Variants in MAP4K3 observed in about 807,000 individuals in gnomAD.
MAP4K3 encodes the protein MAPK/ERK kinase kinase kinase 3.
Under a neutral mutation model 143.5 loss-of-function variants are expected in MAP4K3, and 94 were observed. The observed-to-expected ratio is 0.65, with a 90% CI of 0.55 to 0.78. The LOEUF is 0.78. Among genes scored for constraint, MAP4K3 ranks in the 30% least tolerant of loss-of-function variants. The pLI is 0.00. For synonymous variants in MAP4K3, 416 were observed against 347.2 expected (o/e 1.20, Z -2.20); for missense variants, 1,077 against 1,068.1 (o/e 1.01, Z -0.12).
chr2:39,414,468 A>T (rs1257388368), intron 1 of MAP4K3, among the ~76,000 whole-genome samples: 2 of 152,150 alleles, frequency 1.3e-5, no homozygotes, highest in Middle Eastern at 3.2e-3. Context: ...TTCAGAAAAC[A>T]TTTCAGTAAT....
chr2:39,414,447 A>C (rs1667313947), intron 1 of MAP4K3, among the ~76,000 whole-genome samples: 1 of 152,222 alleles, frequency 6.6e-6, no homozygotes, highest in Admixed American at 6.5e-5. Flanking sequence ...TTTTTAGAAG[A>C]ATACATTTTC....
chr2:39,273,728 A>G (rs1681131085), intron 24 of MAP4K3, among the ~76,000 whole-genome samples: 3 of 152,250 alleles, frequency 2.0e-5, no homozygotes, highest in African/African-American at 7.2e-5. Flanking sequence ...CAATTTCTCC[A>G]AACAACTAAA....
chr2:39,360,033 T>C (rs1007341540), intron 2 of MAP4K3, among the ~76,000 whole-genome samples: 4 of 152,264 alleles, frequency 2.6e-5, no homozygotes, highest in Admixed American at 6.5e-5. Flanking sequence ...TGCAGCAGGT[T>C]TGAATTTCTC....
At chr2:39,332,468 T>C (rs1014332075) in intron 7 of MAP4K3, among the ~76,000 whole-genome samples, 1 of 151,984 alleles carries the variant, frequency 6.6e-6, no homozygotes, top group Non-Finnish European at 1.5e-5. Flanking sequence ...ATCCCCAAAC[T>C]TAACAATACA....
chr2:39,256,990 G>C (rs888861265), intron 31 of MAP4K3, among the ~76,000 whole-genome samples: 3 of 152,172 alleles, frequency 2.0e-5, no homozygotes, highest in Non-Finnish European at 2.9e-5. Context: ...TTTGAAAGCG[G>C]ATTCCATTTT....
At chr2:39,263,758 G>A (rs968120155) in intron 28 of MAP4K3, among the ~76,000 whole-genome samples, 1 of 152,106 alleles carries the variant, frequency 6.6e-6, no homozygotes, top group African/African-American at 2.4e-5. Flanking sequence ...CTGGTAAGAG[G>A]CCTCATTAGA....
At chr2:39,282,394 T>G in intron 22 of MAP4K3, 119 bp downstream of exon 22, 5 of 805,388 alleles carry the variant, frequency 6.2e-6, no homozygotes, top group Non-Finnish European at 1.0e-5. Context: ...TTAGCAATCT[T>G]ATAGATTTTT....
intron 23 of MAP4K3, 74 bp downstream of exon 23, chr2:39,280,198 C>A: frequency 4.6e-6 from 4 of 867,856 alleles, no homozygotes; most frequent in South Asian, 2.7e-5. Context: ...AGAAAATAAA[C>A]AAAATCACAA....
intron 1 of MAP4K3, among the ~76,000 whole-genome samples, chr2:39,413,784 A>ATTATG (rs1667295439): frequency 1.3e-5 from 2 of 151,660 alleles, no homozygotes; most frequent in Non-Finnish European, 2.9e-5. Flanking sequence ...CCCAGGCTCC[A>ATTATG]CCTTGTAGGT....
chr2:39,352,810 T>C (rs142725393), intron 3 of MAP4K3, among the ~76,000 whole-genome samples: 18 of 152,276 alleles, frequency 1.2e-4, no homozygotes, highest in Non-Finnish European at 1.8e-4. Flanking sequence ...ATAGGGTAAA[T>C]CTGATTCTCT....
chr2:39,307,658 T>C (rs1305558791), intron 15 of MAP4K3, among the ~76,000 whole-genome samples: 1 of 151,482 alleles, frequency 6.6e-6, no homozygotes, highest in Non-Finnish European at 1.5e-5. Context: ...TACAGGGAAA[T>C]GCCATTTCTT....
chr2:39,399,495 T>C (rs755232671), intron 1 of MAP4K3, among the ~76,000 whole-genome samples: 7 of 152,214 alleles, frequency 4.6e-5, no homozygotes, highest in Admixed American at 4.6e-4. Context: ...CTCATTTCCA[T>C]CTTTGAGGTG....
chr2:39,436,958 C>A lies in MAP4K3; in HGVS notation c.30G>T (p.Arg10=). Residue 10 remains arginine (R), a synonymous_variant, in exon 1 of 34, where the codon CGG becomes CGT. Coordinates refer to ENST00000263881, the MANE Select transcript of MAP4K3 (RefSeq NM_003618.4). MNPGFDLSR[R]NPQEDFELIQ... ...TCAGCTCGAAGTCCTCCTGCGGGTT[C>A]CGGCGGGACAAATCGAAGCCGGGGT... 1 of 1,612,652 alleles carries A rather than the reference C, an allele frequency of 6.2e-7. No homozygotes were observed. The highest frequency in any genetic ancestry group is 1.3e-5 in the African/African-American group (1 of 74,944).
intron 12 of MAP4K3, among the ~76,000 whole-genome samples, chr2:39,322,870 A>T (rs1439998926): frequency 2.0e-5 from 3 of 151,920 alleles, no homozygotes; most frequent in African/African-American, 7.2e-5. Context: ...GGGTTTCACC[A>T]TGTTAGCCAA....
At chr2:39,348,487 G>C (rs1014452522) in intron 3 of MAP4K3, among the ~76,000 whole-genome samples, 1 of 152,090 alleles carries the variant, frequency 6.6e-6, no homozygotes, top group Admixed American at 6.5e-5. Context: ...ACTTTCATCT[G>C]TCCCATGAAT....
At chr2:39,421,957 T>C (rs1355109216) in intron 1 of MAP4K3, among the ~76,000 whole-genome samples, 1 of 151,902 alleles carries the variant, frequency 6.6e-6, no homozygotes, top group Non-Finnish European at 1.5e-5. Context: ...TGAACTTTTA[T>C]TGGGAATTAC....
At chr2:39,259,541 CATAAA>C (rs1680481633) in intron 29 of MAP4K3, among the ~76,000 whole-genome samples, 1 of 152,150 alleles carries the variant, frequency 6.6e-6, no homozygotes, top group Admixed American at 6.5e-5. Flanking sequence ...CTTAAAAATA[CATAAA>C]ATACTTAAAA....
intron 2 of MAP4K3, among the ~76,000 whole-genome samples, chr2:39,360,779 C>G (rs974307456): frequency 1.3e-5 from 2 of 152,108 alleles, no homozygotes; most frequent in African/African-American, 4.8e-5. Flanking sequence ...ATAAAACCAT[C>G]AGATCTCATG....
chr2:39,400,933 G>GGGTCTCAC, intron 1 of MAP4K3, among the ~76,000 whole-genome samples: 1 of 152,174 alleles, frequency 6.6e-6, no homozygotes, highest in South Asian at 2.1e-4. Flanking sequence ...TTCTGAGACA[G>GGGTCTCAC]GAGTGTGACC....
Sources: gnomAD v4.1 joint callset for allele counts (sites outside exome capture counted in the v4.1 genomes callset) on GRCh38, gnomAD v4.1.1 for gene constraint, MANE v1.5 for transcripts, NCBI Gene and HGNC (gene_info 2026-07-23, HGNC 2026-07-21) for gene names.